SOCS7: variants seen among roughly 807,000 people sequenced by gnomAD.
SOCS7 encodes the protein suppressor of cytokine signaling 7.
SOCS7 carries 18 observed loss-of-function variants against 58.9 expected under a neutral mutation model. The ratio of observed to expected loss-of-function variants is 0.31; its 90% CI spans 0.21 to 0.45. The LOEUF is 0.45. Ranked by LOEUF, SOCS7 falls within the 20% of genes least tolerant of loss-of-function variation. SOCS7 has a pLI of 1.00. For missense variants in SOCS7, 667 were observed against 837.3 expected (o/e 0.80, Z 2.51); for synonymous variants, 388 against 364.3 (o/e 1.06, Z -0.74).
intron 6 of SOCS7, among the ~76,000 whole-genome samples, chr17:38,368,611 T>G (rs1275226293): frequency 1.3e-5 from 2 of 151,968 alleles, no homozygotes; most frequent in East Asian, 3.9e-4. Flanking sequence ...AAGTGATTCT[T>G]CTGCCTCAGC....
chr17:38,365,403 GC>G lies in SOCS7; in HGVS notation c.1250del (p.Pro417GlnfsTer53). 1 of 1,608,232 alleles carries G rather than the reference GC, an allele frequency of 6.2e-7. No homozygotes were observed. The highest frequency in any genetic ancestry group is 8.5e-7 in the Non-Finnish European group (1 of 1,176,948). Reference protein sequence around the residue: ...FPLPPPPPPHAPDAFPRIAPI... With the variant: ...FPLPPPPPPHXPDAFPRIAPI... ...CCTACCTCCGCCTCCTCCACCCCAT[GC>G]CCCAGGTTAGCTTAGTTTAGAGGCA... is the stretch of plus-strand genomic sequence containing the variant. On this transcript the variant is annotated frameshift_variant, in exon 4 of 10. Coordinates refer to ENST00000612932, the MANE Select transcript of SOCS7 (RefSeq NM_014598.4). LOFTEE classifies it high-confidence loss of function.
rs199698083 is a variant in SOCS7 at position 38,376,543 on chromosome 17, C to T, written c.1553-1171C>T. Among the ~76,000 whole-genome samples, 3 of 152,124 alleles carry T rather than the reference C, an allele frequency of 2.0e-5. No homozygotes were observed. The East Asian group carries it at 5.8e-4, about 29-fold the overall frequency. ...GGTCAGGAGTTCGAGGCTAGCCTGA[C>T]CAACGTGGTGAAACCCTGTCTCTAC... On this transcript the variant is annotated intron_variant, in intron 6 of 9. Transcript: ENST00000612932.
chr17:38,391,409 TA>T (rs2038171974), intron 7 of SOCS7, among the ~76,000 whole-genome samples: 1 of 152,142 alleles, frequency 6.6e-6, no homozygotes, highest in African/African-American at 2.4e-5. Context: ...ATCTTTTTTT[TA>T]GACAGGGTCT....
intron 2 of SOCS7, 32 bp from the exon 3 acceptor site, chr17:38,364,720 T>C (rs368171606): frequency 1.3e-5 from 21 of 1,585,600 alleles, no homozygotes; most frequent in Non-Finnish European, 1.7e-5. Context: ...GCAAGGCGCT[T>C]CTGTAACTTG....
intron 7 of SOCS7, among the ~76,000 whole-genome samples, chr17:38,387,129 G>GTGTGTGTATATATATATATA (rs1555570683): frequency 1.5e-5 from 1 of 64,824 alleles, no homozygotes; most frequent in African/African-American, 1.0e-4. Flanking sequence ...ATATATATAT[G>GTGTGTGTATATATATATATA]TATGTATATA....
rs1406149132 is a variant in SOCS7 at position 38,352,140 on chromosome 17, G to C, written c.88G>C (p.Ala30Pro). 2 of 1,111,962 alleles carry C rather than the reference G, an allele frequency of 1.8e-6. No individual in the cohort carries two copies. The highest frequency in any genetic ancestry group is 2.3e-6 in the Non-Finnish European group (2 of 880,518). 68.9% of individuals were successfully genotyped at this position (1,111,962 alleles called of 1,614,324 possible). The change falls in exon 1 of 10, where the codon GCG (alanine) becomes CCG (proline). Residue 30 changes from alanine (A) to proline (P), a missense_variant. By Grantham distance (27) the Ala-to-Pro change is conservative (BLOSUM62 -1). Coordinates refer to ENST00000612932, the MANE Select transcript of SOCS7 (RefSeq NM_014598.4). The surrounding 1 kb of genome is among the most constrained non-coding windows in gnomAD (Gnocchi z 5.5). Reference sequence around the variant, plus strand: ...GAGCCGCCTCCTTGGCTATGGAGAGGCGGCCCCCGAGCCAGGCCCTCCGCC... The same window carrying C: ...GAGCCGCCTCCTTGGCTATGGAGAGCCGGCCCCCGAGCCAGGCCCTCCGCC... ...VLSRLLGYGE[A>P]APEPGPPPPP... is the part of the protein sequence containing the mutation.
chr17:38,387,098 AAAAAAT>A (rs1273456039), intron 7 of SOCS7, among the ~76,000 whole-genome samples: 1 of 89,512 alleles, frequency 1.1e-5, no homozygotes, highest in African/African-American at 7.4e-5. Context: ...AAAAAAAAAA[AAAAAAT>A]ATATATATAT....
chr17:38,380,172 AT>A (rs1341340197), intron 7 of SOCS7, among the ~76,000 whole-genome samples: 1 of 152,206 alleles, frequency 6.6e-6, no homozygotes, highest in Non-Finnish European at 1.5e-5. Context: ...GTCTGCAGAT[AT>A]TTTAACCAAG....
At chr17:38,397,606 G>C (rs1375501144) in intron 9 of SOCS7, among the ~76,000 whole-genome samples, 1 of 152,238 alleles carries the variant, frequency 6.6e-6, no homozygotes, top group East Asian at 1.9e-4. Flanking sequence ...TTTTAACAGA[G>C]AGGTCCAAAA....
intron 7 of SOCS7, among the ~76,000 whole-genome samples, chr17:38,388,388 G>A (rs868438969): frequency 2.0e-4 from 31 of 151,894 alleles, no homozygotes; most frequent in South Asian, 4.2e-4. Context: ...GAGCGGTGGT[G>A]AGCACGTGTA....
chr17:38,382,452 A>G (rs1216707312), intron 7 of SOCS7, among the ~76,000 whole-genome samples: 4 of 151,466 alleles, frequency 2.6e-5, no homozygotes, highest in African/African-American at 9.7e-5. Context: ...AAAAAAAAAA[A>G]AAAAAAAAAT....
intron 7 of SOCS7, among the ~76,000 whole-genome samples, chr17:38,382,341 G>C (rs2038013527): frequency 6.6e-6 from 1 of 150,960 alleles, no homozygotes; most frequent in Non-Finnish European, 1.5e-5. Flanking sequence ...GGGAGGCTGA[G>C]GTAGGAGGAT....
At chr17:38,390,929 C>T (rs1381529241) in intron 7 of SOCS7, among the ~76,000 whole-genome samples, 1 of 152,048 alleles carries the variant, frequency 6.6e-6, no homozygotes, top group African/African-American at 2.4e-5. Flanking sequence ...CCCTTTGGCT[C>T]AAGCCATCCA....
intron 9 of SOCS7, among the ~76,000 whole-genome samples, 185 bp downstream of exon 9, chr17:38,396,183 GCAGA>G (rs373701577): frequency 1.3e-5 from 2 of 152,352 alleles, no homozygotes; most frequent in African/African-American, 4.8e-5. Context: ...TGGGAGAAAA[GCAGA>G]CAGACGAGAA....
chr17:38,387,133 G>GTATGTATGTATA lies in SOCS7; in HGVS notation c.1682-8173_1682-8172insGTATGTATATAT, dbSNP rs1555570701. 1.8e-4 allele frequency among the ~76,000 whole-genome samples: 13 copies of GTATGTATGTATA among 73,494 alleles called. 1 individual carries two copies. Among genetic ancestry groups the GTATGTATGTATA allele is most frequent in the African/African-American group, 9.1e-4 (13 of 14,268 alleles). 48.2% of individuals were successfully genotyped at this position (73,494 alleles called of 152,430 possible). A position where few individuals can be genotyped will look rare whatever the true frequency, so the allele number is the denominator to read the frequency against. ...TATATATATATATATATATATGTAT[G>GTATGTATGTATA]TATATATATATATATATATGATTAA... On this transcript the variant is annotated intron_variant, in intron 7 of 9. Coordinates refer to ENST00000612932, the MANE Select transcript of SOCS7 (RefSeq NM_014598.4).
At chr17:38,376,582 A>C (rs2037933653) in intron 6 of SOCS7, among the ~76,000 whole-genome samples, 1 of 152,058 alleles carries the variant, frequency 6.6e-6, no homozygotes, top group Non-Finnish European at 1.5e-5. Context: ...AAATACAAAA[A>C]TTAGCCAGGC....
chr17:38,383,249 G>A (rs2038026081), intron 7 of SOCS7, among the ~76,000 whole-genome samples: 2 of 152,080 alleles, frequency 1.3e-5, no homozygotes, highest in Non-Finnish European at 2.9e-5. Context: ...TCACTTATAG[G>A]GTTGTTTTGA....
At chr17:38,380,192 C>T (rs2037982903) in intron 7 of SOCS7, among the ~76,000 whole-genome samples, 1 of 152,158 alleles carries the variant, frequency 6.6e-6, no homozygotes, top group Non-Finnish European at 1.5e-5. Context: ...AGATTCTTAG[C>T]ATTGTATTAA....
At chr17:38,369,438 G>A (rs1200184713) in intron 6 of SOCS7, among the ~76,000 whole-genome samples, 2 of 152,200 alleles carry the variant, frequency 1.3e-5, no homozygotes, top group East Asian at 3.9e-4. Flanking sequence ...ACCTGGGAAT[G>A]AATTAGATAA....
Sources: allele counts gnomAD v4.1 joint callset (sites outside exome capture counted in the v4.1 genomes callset), GRCh38; gene constraint gnomAD v4.1.1; non-coding constraint Gnocchi (gnomAD v3.1); transcripts MANE v1.5; gene names NCBI Gene and HGNC (gene_info 2026-07-23, HGNC 2026-07-21).